The following SOBP variants were observed in gnomAD, a reference collection of about 807,000 sequenced individuals.
SOBP encodes the protein sine oculis-binding protein homolog.
In SOBP, 4 loss-of-function variants were observed where a neutral mutation model predicts 53.6. The ratio of observed to expected loss-of-function variants is 0.07; its 90% CI spans 0.04 to 0.17. SOBP has a LOEUF of 0.17. Among genes scored for constraint, SOBP ranks in the 10% least tolerant of loss-of-function variants. SOBP has a pLI of 1.00. For synonymous variants in SOBP, 584 were observed against 522.6 expected (o/e 1.12, Z -1.60); for missense variants, 1,088 against 1,204.7 (o/e 0.90, Z 1.43).
chr6:107,635,219 G>T lies in SOBP; in HGVS notation c.2375G>T (p.Gly792Val). ...LDGEAAKKLM[G>V]EEALAGGDKS... ...GGGGAGGCGGCCAAAAAGCTGATGGGCGAGGAGGCCCTGGCGGGGGGCGAC... is the reference window on the plus strand; with the variant it reads ...GGGGAGGCGGCCAAAAAGCTGATGGTCGAGGAGGCCCTGGCGGGGGGCGAC... Residue 792 changes from glycine to valine, a missense_variant, in exon 6 of 7, where the codon GGC becomes GTC. Gly to Val is a moderately radical substitution (Grantham distance 109). Transcript: ENST00000317357. The surrounding 1 kb of genome is among the most constrained non-coding windows in gnomAD (Gnocchi z 4.5). 6.2e-7 allele frequency: 1 copy of T among 1,613,920 alleles called. No individual in the cohort carries two copies.
chr6:107,556,667 A>G (rs1267931489), intron 4 of SOBP, among the ~76,000 whole-genome samples: 1 of 152,252 alleles, frequency 6.6e-6, no homozygotes, highest in Non-Finnish European at 1.5e-5. Flanking sequence ...AACCTAGTCT[A>G]TAAGCCTTGA....
intron 5 of SOBP, among the ~76,000 whole-genome samples, chr6:107,613,325 T>C (rs1215573468): frequency 6.6e-6 from 1 of 152,218 alleles, no homozygotes; most frequent in Non-Finnish European, 1.5e-5. Flanking sequence ...AAAAATGCCT[T>C]TCTGGATTAA....
At chr6:107,569,547 T>G (rs894662033) in intron 4 of SOBP, among the ~76,000 whole-genome samples, 2 of 152,212 alleles carry the variant, frequency 1.3e-5, no homozygotes, top group Non-Finnish European at 2.9e-5. Flanking sequence ...TTTTCGTTAC[T>G]TTGGCTTTTT....
intron 4 of SOBP, among the ~76,000 whole-genome samples, chr6:107,567,616 C>T (rs572531974): frequency 9.2e-5 from 14 of 152,268 alleles, no homozygotes; most frequent in African/African-American, 3.4e-4. Context: ...AGACTTGGCT[C>T]CTGATTGAAT....
chr6:107,643,110 G>A (rs978385961), intron 6 of SOBP, among the ~76,000 whole-genome samples: 2 of 152,184 alleles, frequency 1.3e-5, no homozygotes, highest in Non-Finnish European at 2.9e-5. Flanking sequence ...GAGAGAAGGG[G>A]AAACCCTATA....
chr6:107,654,611 A>G (rs1010537917), intron 6 of SOBP, among the ~76,000 whole-genome samples: 2 of 152,248 alleles, frequency 1.3e-5, no homozygotes, highest in South Asian at 4.1e-4. Flanking sequence ...AAGATTCCAC[A>G]ATCTGAGCAT....
chr6:107,644,274 A>G (rs1771462015), intron 6 of SOBP, among the ~76,000 whole-genome samples: 1 of 152,262 alleles, frequency 6.6e-6, no homozygotes, highest in Non-Finnish European at 1.5e-5. Context: ...ACTGCACTCC[A>G]GCCTGGGCGA....
chr6:107,621,398 A>G (rs1470227953), intron 5 of SOBP, among the ~76,000 whole-genome samples: 1 of 152,226 alleles, frequency 6.6e-6, no homozygotes, highest in Non-Finnish European at 1.5e-5. Flanking sequence ...AATTCACAGA[A>G]CAAAGACAGA....
At chr6:107,644,490 A>G (rs530737047) in intron 6 of SOBP, among the ~76,000 whole-genome samples, 1 of 152,300 alleles carries the variant, frequency 6.6e-6, no homozygotes, top group Non-Finnish European at 1.5e-5. Context: ...TGTCTTTATC[A>G]TAGGTAGCCT....
chr6:107,583,046 C>T (rs1364621617), intron 4 of SOBP, among the ~76,000 whole-genome samples: 1 of 152,238 alleles, frequency 6.6e-6, no homozygotes, highest in Non-Finnish European at 1.5e-5. Flanking sequence ...AAGCCATTGT[C>T]TGGCACCCCA....
intron 5 of SOBP, chr6:107,621,262 A>G (rs1770147164): frequency 4.3e-6 from 1 of 230,926 alleles, no homozygotes; most frequent in African/African-American, 2.3e-5. Context: ...CTGGATGAGG[A>G]GATTCAGTTG....
intron 3 of SOBP, among the ~76,000 whole-genome samples, chr6:107,519,178 T>C (rs1406420713): frequency 6.7e-6 from 1 of 148,632 alleles, no homozygotes; most frequent in East Asian, 1.9e-4. Context: ...GTGGTTCTTA[T>C]CAGGGTGTGA....
chr6:107,533,736 T>C, intron 4 of SOBP, 126 bp downstream of exon 4: 1 of 1,215,568 alleles, frequency 8.2e-7, no homozygotes, highest in Non-Finnish European at 1.2e-6. Context: ...CTCTCTGTTT[T>C]GTTGATTCCC....
chr6:107,634,640 C>G lies in SOBP; in HGVS notation c.1796C>G (p.Pro599Arg), dbSNP rs771379662. Residue 599 changes from proline to arginine, a missense_variant, in exon 6 of 7, where the codon CCC (proline) becomes CGC (arginine). Coordinates refer to ENST00000317357, the MANE Select transcript of SOBP (RefSeq NM_018013.4). The surrounding 1 kb of genome is among the most constrained non-coding windows in gnomAD (Gnocchi z 4.5). ...QGSSKSADSP[P>R]GCSGQALSLA... is the part of the protein sequence containing the mutation. The stretch of plus-strand genomic sequence containing the variant: ...TCGTCCAAGTCCGCGGACTCGCCCC[C>G]CGGCTGCTCGGGCCAGGCCCTGAGC... The G allele has an allele frequency of 2.5e-6, 4 of 1,574,564 alleles. No homozygotes were observed. Among genetic ancestry groups the G allele is most frequent in the East Asian group, 4.6e-5 (2 of 43,176 alleles).
At chr6:107,575,999 C>A (rs528884437) in intron 4 of SOBP, among the ~76,000 whole-genome samples, 4 of 152,310 alleles carry the variant, frequency 2.6e-5, no homozygotes, top group Admixed American at 1.3e-4. Context: ...ATTTATGAAG[C>A]CTCTTCACCT....
chr6:107,493,452 GAA>G (rs1352408799), intron 1 of SOBP, among the ~76,000 whole-genome samples: 1 of 152,202 alleles, frequency 6.6e-6, no homozygotes, highest in Non-Finnish European at 1.5e-5. Flanking sequence ...AGAGCAAATG[GAA>G]AAGTCAGCCT....
intron 5 of SOBP, among the ~76,000 whole-genome samples, chr6:107,605,583 TAGAATGTCCC>T (rs1199414620): frequency 6.6e-6 from 1 of 152,196 alleles, no homozygotes; most frequent in Non-Finnish European, 1.5e-5. Flanking sequence ...TCTGCTGTCT[TAGAATGTCCC>T]AGGAAGCATG....
At chr6:107,553,242 A>C (rs1784512797) in intron 4 of SOBP, among the ~76,000 whole-genome samples, 1 of 151,842 alleles carries the variant, frequency 6.6e-6, no homozygotes, top group East Asian at 1.9e-4. Flanking sequence ...AGAATTTCAC[A>C]CATAATTTCA....
chr6:107,652,914 CATA>C (rs1254554388), intron 6 of SOBP, among the ~76,000 whole-genome samples: 1 of 151,780 alleles, frequency 6.6e-6, no homozygotes, highest in African/African-American at 2.4e-5. Context: ...GTTTTTTAGA[CATA>C]ATGCTACTGC....
Sources: gnomAD v4.1 joint callset for allele counts (sites outside exome capture counted in the v4.1 genomes callset) on GRCh38, gnomAD v4.1.1 for gene constraint, Gnocchi (gnomAD v3.1) non-coding constraint, MANE v1.5 for transcripts, NCBI Gene and HGNC (gene_info 2026-07-23, HGNC 2026-07-21) for gene names.